Variants in DNAJB12 observed in about 807,000 individuals in gnomAD.
DNAJB12 encodes DnaJ heat shock protein family (Hsp40) member B12, also known as dnaJ homolog subfamily B member 12.
A neutral mutation model predicts 40.6 loss-of-function variants in DNAJB12; 14 were observed. The observed-to-expected ratio is 0.34, with a 90% CI of 0.23 to 0.54. The LOEUF (loss-of-function observed/expected upper bound fraction) is 0.54. DNAJB12 is among the 20% of genes least tolerant of loss of function. DNAJB12 has a pLI of 0.92. For synonymous variants in DNAJB12, 181 were observed against 199.5 expected (o/e 0.91, Z 0.78); for missense variants, 444 against 501.7 (o/e 0.89, Z 1.10).
At chr10:72,343,313 C>A in intron 3 of DNAJB12, 53 bp downstream of exon 3, 1 of 1,577,616 alleles carries the variant, frequency 6.3e-7, no homozygotes, top group Non-Finnish European at 8.6e-7. Flanking sequence ...TTACTCCCTG[C>A]CATGGACAGG....
chr10:72,340,970 G>C lies in DNAJB12; in HGVS notation c.643+15C>G. The C allele has an allele frequency of 6.2e-7, 1 of 1,612,218 alleles. No homozygotes were observed. The highest frequency in any genetic ancestry group is 1.7e-4 in the Middle Eastern group (1 of 6,060). ...CCCCAGGGATACCTGGCTGTGGGGA[G>C]GGTGGGGAACTTACTAGAAGGGAAG... is the stretch of plus-strand genomic sequence containing the variant. On this transcript the variant is annotated intron_variant, in intron 4 of 8. Coordinates refer to ENST00000444643, the MANE Select transcript of DNAJB12 (RefSeq NM_017626.7).
intron 1 of DNAJB12, among the ~76,000 whole-genome samples, chr10:72,351,354 T>C (rs1272261835): frequency 6.6e-6 from 1 of 152,152 alleles, no homozygotes; most frequent in African/African-American, 2.4e-5. Flanking sequence ...TCAAGCCCCC[T>C]CACATCCCTT....
chr10:72,336,065 G>A, intron 7 of DNAJB12, 134 bp from the exon 8 acceptor site: 1 of 1,105,216 alleles, frequency 9.0e-7, no homozygotes, highest in Non-Finnish European at 1.3e-6. Context: ...CTCCCATTAG[G>A]AAGACCATGG....
rs375091358 is a variant in DNAJB12, at chr10:72,338,280, G to A, written c.755C>T (p.Pro252Leu). ...TGACACGAGAATCAGGATGAGGATAGGCATCAGCTGCACAAACACCCCTAG... is the reference window on the plus strand; with the variant it reads ...TGACACGAGAATCAGGATGAGGATAAGCATCAGCTGCACAAACACCCCTAG... ...GGLGVFVQLM[P>L]ILILILVSAL... Residue 252 changes from proline (P) to leucine (L), a missense_variant, in exon 6 of 9, where the codon CCT (proline) becomes CTT (leucine). Physicochemically the swap from Pro to Leu is moderately conservative, Grantham distance 98. Coordinates refer to ENST00000444643, the MANE Select transcript of DNAJB12 (RefSeq NM_017626.7). 4 of 1,613,962 alleles carry A rather than the reference G, an allele frequency of 2.5e-6. No individual in the cohort carries two copies. The highest frequency in any genetic ancestry group is 3.4e-6 in the Non-Finnish European group (4 of 1,180,000).
intron 3 of DNAJB12, among the ~76,000 whole-genome samples, chr10:72,342,090 T>G (rs1861654744): frequency 6.6e-6 from 1 of 152,202 alleles, no homozygotes; most frequent in African/African-American, 2.4e-5. Context: ...CAGCAGGAGC[T>G]GTGGGGAAGG....
intron 1 of DNAJB12, 62 bp from the exon 2 acceptor site, chr10:72,345,189 C>T (rs1421918103): frequency 9.1e-6 from 14 of 1,541,540 alleles, no homozygotes; most frequent in African/African-American, 5.5e-5. Flanking sequence ...CCTCGCCGAG[C>T]GGCCCGCTGC....
rs372684350 is a variant in DNAJB12 at position 72,336,504 on chromosome 10, C to T, written c.1006+20G>A. The T allele has an allele frequency of 3.4e-5, 55 of 1,609,868 alleles. No individual in the cohort carries two copies. The highest frequency in any genetic ancestry group is 4.4e-5 in the Non-Finnish European group (52 of 1,177,982). Reference sequence around the variant, plus strand: ...CAAGCCACCTCCCAAATACAGCCCCCGCCTTCCCCCCACACTCACTCTGCT... The same window carrying T: ...CAAGCCACCTCCCAAATACAGCCCCTGCCTTCCCCCCACACTCACTCTGCT... On this transcript the variant is annotated intron_variant, in intron 7 of 8. Transcript: ENST00000444643.
At position 72,341,926 on chromosome 10, in the gene DNAJB12, G is replaced by A. The variant is rs139103212; in HGVS notation, c.458-756C>T. Among the ~76,000 whole-genome samples, 15 of 152,276 alleles carry A rather than the reference G, an allele frequency of 9.9e-5. No homozygotes were observed. In the East Asian group the frequency reaches 2.5e-3, roughly 25 times the overall value. Reference sequence around the variant, plus strand: ...GTCTCTTGCTTCAAGTTCTCTCTCCGACTTTATGAAAACCACCAAAAACCT... The same window carrying A: ...GTCTCTTGCTTCAAGTTCTCTCTCCAACTTTATGAAAACCACCAAAAACCT... On this transcript the variant is annotated intron_variant, in intron 3 of 8. Coordinates refer to ENST00000444643, the MANE Select transcript of DNAJB12 (RefSeq NM_017626.7).
Position 72,335,232 on chromosome 10 carries a change from A to C in DNAJB12, c.*30+548T>G. The C allele has an allele frequency of 1.0e-6, 1 of 986,546 alleles. No individual in the cohort carries two copies. The allele number at this position is 986,546 out of a possible 1,614,324, so 61.1% of individuals were successfully genotyped here. A position where few individuals can be genotyped will look rare whatever the true frequency, so the allele number is the denominator to read the frequency against. On this transcript the variant is annotated intron_variant, in intron 8 of 8. Coordinates refer to ENST00000444643, the MANE Select transcript of DNAJB12 (RefSeq NM_017626.7). The surrounding 1 kb of genome is among the most constrained non-coding windows in gnomAD (Gnocchi z 4.4). ...GCCGCCACCAAGACTGCCAGCTCCC[A>C]CCCACCTCGTGGCTGCCTGTTCATC...
intron 3 of DNAJB12, 152 bp downstream of exon 3, chr10:72,343,214 T>TC: frequency 1.1e-6 from 1 of 927,182 alleles, no homozygotes; most frequent in Non-Finnish European, 1.6e-6. Context: ...AGAACCTTTT[T>TC]CCCAAGAAGC....
rs1170891805 is a variant in DNAJB12 at position 72,335,194 on chromosome 10, G to A, written c.*31-577C>T. On this transcript the variant is annotated intron_variant, in intron 8 of 8. Transcript: ENST00000444643. The surrounding 1 kb of genome is among the most constrained non-coding windows in gnomAD (Gnocchi z 4.4). ...ATCCCACCAGAGGGGGGTGGTCAGGGCCCGCGGCCCCTGCCGCCACCAAGA... is the reference window on the plus strand; with the variant it reads ...ATCCCACCAGAGGGGGGTGGTCAGGACCCGCGGCCCCTGCCGCCACCAAGA... The A allele has an allele frequency of 1.0e-5, 10 of 986,934 alleles. No homozygotes were observed. The East Asian group carries it at 9.0e-4, about 89-fold the overall frequency. The allele number at this position is 986,934 out of a possible 1,614,324, so 61.1% of individuals were successfully genotyped here.
At chr10:72,353,753 T>G (rs1196929900) in intron 1 of DNAJB12, 1 of 152,146 alleles carries the variant, frequency 6.6e-6, no homozygotes. Flanking sequence ...TCACATTATC[T>G]GCGCCAACCC....
At chr10:72,340,745 T>C (rs1292629358) in intron 5 of DNAJB12, 44 bp downstream of exon 5, 1 of 1,592,960 alleles carries the variant, frequency 6.3e-7, no homozygotes, top group Non-Finnish European at 8.6e-7. Context: ...CTGGGGTGGA[T>C]TTGGTGCCCT....
rs1420889402 is a variant in DNAJB12, at chr10:72,350,346, C to T, written c.133+4419G>A. 2.3e-5 allele frequency among the ~76,000 whole-genome samples: 3 copies of T among 130,528 alleles called. No individual in the cohort carries two copies. The Admixed American group carries it at 2.8e-4, about 12-fold the overall frequency. 85.6% of individuals were successfully genotyped at this position (130,528 alleles called of 152,430 possible). A position where few individuals can be genotyped will look rare whatever the true frequency, so the allele number is the denominator to read the frequency against. On this transcript the variant is annotated intron_variant, in intron 1 of 8. Transcript: ENST00000444643. ...CCTGGGTGGTTGAGGCTGCAGTGAG[C>T]TGTGATTGTGCCACTGCACTCCAGC...
At chr10:72,336,445 G>C in intron 7 of DNAJB12, 79 bp downstream of exon 7, 2 of 1,480,664 alleles carry the variant, frequency 1.4e-6, no homozygotes, top group Non-Finnish European at 1.9e-6. Flanking sequence ...GGGTGAGCAG[G>C]GCTCTCTCCT....
At chr10:72,336,016 G>A (rs745400076) in intron 7 of DNAJB12, 85 bp from the exon 8 acceptor site, 35 of 1,552,758 alleles carry the variant, frequency 2.3e-5, no homozygotes, top group Non-Finnish European at 3.0e-5. Context: ...GGAGGGCGGA[G>A]GAAAGCTGGT....
rs180893777 is a variant in DNAJB12, at chr10:72,347,881, C to T, written c.134-2754G>A. Reference sequence around the variant, plus strand: ...TGAGCCGAAATCATGCCATTGCACTCCAGCCTGGGCAATAGAATGAGACTC... The same window carrying T: ...TGAGCCGAAATCATGCCATTGCACTTCAGCCTGGGCAATAGAATGAGACTC... On this transcript the variant is annotated intron_variant, in intron 1 of 8. Transcript: ENST00000444643. Among the ~76,000 whole-genome samples the T allele has an allele frequency of 5.1e-3, 777 of 151,578 alleles. 5 individuals carry two copies. The highest frequency in any genetic ancestry group is 0.017 in the African/African-American group (706 of 41,280).
At chr10:72,345,939 G>A (rs563526964) in intron 1 of DNAJB12, among the ~76,000 whole-genome samples, 43 of 148,710 alleles carry the variant, frequency 2.9e-4, no homozygotes, top group African/African-American at 9.4e-4. Flanking sequence ...GGTCTTTTTC[G>A]TTTTACATGA....
Position 72,340,994 on chromosome 10 carries a change from A to C in DNAJB12, c.634T>G (p.Phe212Val). 1 of 1,613,346 alleles carries C rather than the reference A, an allele frequency of 6.2e-7. No homozygotes were observed. The highest frequency in any genetic ancestry group is 8.5e-7 in the Non-Finnish European group (1 of 1,179,564). Residue 212 changes from phenylalanine (F) to valine (V), a missense_variant, in exon 4 of 9, where the codon TTC (phenylalanine) becomes GTC (valine). Transcript: ENST00000444643. ...AGGGTGGGGAACTTACTAGAAGGGAAGCCGCCGCCAAAGAACATGTTGAAG... is the reference window on the plus strand; with the variant it reads ...AGGGTGGGGAACTTACTAGAAGGGACGCCGCCGCCAAAGAACATGTTGAAG... ...DLFNMFFGGG[F>V]PSSNVHVYSN...
Sources: gnomAD v4.1 joint callset for allele counts (sites outside exome capture counted in the v4.1 genomes callset) on GRCh38, gnomAD v4.1.1 for gene constraint, Gnocchi (gnomAD v3.1) non-coding constraint, MANE v1.5 for transcripts, NCBI Gene and HGNC (gene_info 2026-07-23, HGNC 2026-07-21) for gene names.